The following ZNF581 variants were observed in gnomAD, a reference collection of about 807,000 sequenced individuals.
ZNF581 encodes zinc finger protein 581.
A neutral mutation model predicts 1.2 loss-of-function variants in ZNF581; 1 was observed. That is an observed-to-expected ratio of 0.83 (90% CI 0.30 to 3.95). The LOEUF is 3.95. Among genes scored for constraint, ZNF581 ranks in the 30% most tolerant of loss-of-function variants. The pLI is 0.18. For synonymous variants in ZNF581, 105 were observed against 109.2 expected, an observed-to-expected ratio of 0.96 and a Z score of 0.24; for missense variants, 273 against 274.6, an observed-to-expected ratio of 0.99 and a Z score of 0.04.
upstream of ZNF581, chr19:55,641,071 C>A: frequency 1.0e-6 from 1 of 985,268 alleles, no homozygotes; most frequent in Non-Finnish European, 1.2e-6. Context: ...CCGGCGCCGC[C>A]GGCCCGGAGC....
chr19:55,644,749 G>C lies in ZNF581; in HGVS notation c.178G>C (p.Gly60Arg). 2 of 1,614,084 alleles carry C rather than the reference G, an allele frequency of 1.2e-6. No individual in the cohort carries two copies. The highest frequency in any genetic ancestry group is 1.7e-6 in the Non-Finnish European group (2 of 1,179,978). ...PNHYLLIDTQ[G>R]VPYTVLVDEE... ...CCACTACCTGCTTATTGACACTCAG[G>C]GTGTCCCCTACACAGTGCTGGTGGA... The change falls in exon 2 of 2, where the codon GGT becomes CGT. Residue 60 changes from glycine to arginine, a missense_variant. Physicochemically the swap from Gly to Arg is moderately radical, Grantham distance 125. Coordinates refer to ENST00000270451, the MANE Select transcript of ZNF581 (RefSeq NM_016535.4). The surrounding 1 kb of genome is among the most constrained non-coding windows in gnomAD (Gnocchi z 4.3).
At chr19:55,642,519 T>TGCC (rs753279055), upstream of ZNF581, 10 of 1,440,444 alleles carry the variant, frequency 6.9e-6, no homozygotes, top group East Asian at 2.2e-4. Flanking sequence ...ATGCTGCTGC[T>TGCC]GCCGCCGCGG....
At chr19:55,638,658 G>A (rs1018065592), upstream of ZNF581, among the ~76,000 whole-genome samples, 1 of 151,976 alleles carries the variant, frequency 6.6e-6, no homozygotes, top group African/African-American at 2.4e-5. Flanking sequence ...CTCCCACCAA[G>A]CCCCGTCTCC....
At chr19:55,636,020 C>T (rs944172493) in intron 1 of ZNF581, among the ~76,000 whole-genome samples, 1 of 152,134 alleles carries the variant, frequency 6.6e-6, no homozygotes, top group African/African-American at 2.4e-5. Flanking sequence ...GCCGTGTGTG[C>T]TTGGAGCACA....
upstream of ZNF581, chr19:55,642,994 C>T (rs1405341428): frequency 5.1e-6 from 7 of 1,370,008 alleles, no homozygotes; most frequent in Admixed American, 4.0e-5. Context: ...TCCAGGACGC[C>T]GCGGAGCTGG....
upstream of ZNF581, chr19:55,642,839 C>T (rs1161830432): frequency 3.2e-6 from 5 of 1,574,508 alleles, no homozygotes; most frequent in Admixed American, 8.7e-5. Flanking sequence ...GCAGAGCCAC[C>T]GCGTGTCGCA....
Position 55,644,532 on chromosome 19 carries a change from A to G in ZNF581, c.-19-21A>G. ...CTGCCCTCTTCTATATAACCTTCTT[A>G]TCCCATCTCCCATCCACCAGGCCTC... On this transcript the variant is annotated intron_variant, in intron 1 of 1. Coordinates refer to ENST00000270451, the MANE Select transcript of ZNF581 (RefSeq NM_016535.4). The surrounding 1 kb of genome is among the most constrained non-coding windows in gnomAD (Gnocchi z 4.3). The G allele has an allele frequency of 1.4e-6, 2 of 1,466,622 alleles. No individual in the cohort carries two copies. Among genetic ancestry groups the G allele is most frequent in the East Asian group, 2.4e-5 (1 of 41,484 alleles). The allele number at this position is 1,466,622 out of a possible 1,614,324, so 90.9% of individuals were successfully genotyped here.
At chr19:55,636,248 A>G (rs1308458932), upstream of ZNF581, among the ~76,000 whole-genome samples, 1 of 152,196 alleles carries the variant, frequency 6.6e-6, no homozygotes, top group Non-Finnish European at 1.5e-5. Context: ...ATGGTGGTCC[A>G]GGTGAGAAGG....
chr19:55,641,200 G>A, upstream of ZNF581: 3 of 985,022 alleles, frequency 3.0e-6, no homozygotes, highest in Non-Finnish European at 3.6e-6. Context: ...GGGCCGGGAT[G>A]GAGGGAGGAG....
upstream of ZNF581, chr19:55,642,892 C>T: frequency 6.4e-7 from 1 of 1,558,244 alleles, no homozygotes; most frequent in Non-Finnish European, 8.6e-7. Context: ...GCGGCAAGGC[C>T]TTCAAGCGCT....
chr19:55,642,027 G>C (rs546668222), upstream of ZNF581: 1 of 964,272 alleles, frequency 1.0e-6, no homozygotes, highest in Non-Finnish European at 1.2e-6. Context: ...CGGTGGGGGG[G>C]TAGGGGGCGG....
upstream of ZNF581, chr19:55,642,769 C>T (rs759412445): frequency 1.4e-5 from 21 of 1,546,140 alleles, no homozygotes; most frequent in Non-Finnish European, 1.6e-5. Flanking sequence ...GAGAGCCCGG[C>T]CCTCGCAAGG....
At chr19:55,638,650 C>T (rs1982241057), upstream of ZNF581, among the ~76,000 whole-genome samples, 1 of 152,064 alleles carries the variant, frequency 6.6e-6, no homozygotes, top group Non-Finnish European at 1.5e-5. Flanking sequence ...CCAAATGCCT[C>T]CCACCAAGCC....
chr19:55,637,781 G>C (rs866253509), upstream of ZNF581, among the ~76,000 whole-genome samples: 1 of 152,162 alleles, frequency 6.6e-6, no homozygotes, highest in Admixed American at 6.5e-5. Flanking sequence ...CCAATCACAC[G>C]ATCTCTTTGA....
chr19:55,635,405 T>A (rs1982036789), upstream of ZNF581: 1 of 152,320 alleles, frequency 6.6e-6, no homozygotes, highest in African/African-American at 2.4e-5. Flanking sequence ...AGGAAAAGGT[T>A]CCTGAAGGAG....
chr19:55,645,176 C>G lies in ZNF581; in HGVS notation c.*11C>G. 1.3e-6 allele frequency: 2 copies of G among 1,511,142 alleles called. No homozygotes were observed. The highest frequency in any genetic ancestry group is 1.3e-5 in the South Asian group (1 of 75,168). 93.6% of individuals were successfully genotyped at this position (1,511,142 alleles called of 1,614,324 possible). ...TGGAAGCATCCATGAGCCGGGCTGC[C>G]GGGTGCCCCAGGTACCACAGGACTT... On this transcript the variant is annotated 3_prime_UTR_variant, in exon 2 of 2. Coordinates refer to ENST00000270451, the MANE Select transcript of ZNF581 (RefSeq NM_016535.4).
upstream of ZNF581, chr19:55,642,150 T>A: frequency 1.9e-6 from 2 of 1,046,754 alleles, no homozygotes; most frequent in Non-Finnish European, 2.3e-6. Flanking sequence ...TGTAAAGAGG[T>A]AAACAGATTT....
upstream of ZNF581, chr19:55,640,873 G>A: frequency 1.0e-6 from 1 of 985,460 alleles, no homozygotes; most frequent in Non-Finnish European, 1.2e-6. Context: ...GGCCGCCGGG[G>A]GCGGGCGTCT....
At chr19:55,637,793 C>G (rs970398089), upstream of ZNF581, among the ~76,000 whole-genome samples, 1 of 152,228 alleles carries the variant, frequency 6.6e-6, no homozygotes, top group Non-Finnish European at 1.5e-5. Flanking sequence ...TCTCTTTGAG[C>G]TCTGCTTCCC....
Sources: allele counts gnomAD v4.1 joint callset (sites outside exome capture counted in the v4.1 genomes callset), GRCh38; gene constraint gnomAD v4.1.1; non-coding constraint Gnocchi (gnomAD v3.1); transcripts MANE v1.5; gene names NCBI Gene and HGNC (gene_info 2026-07-23, HGNC 2026-07-21).